Variants in MAP3K15 observed in about 807,000 individuals in gnomAD.
MAP3K15 encodes the protein MAPK/ERK kinase kinase 15.
A neutral mutation model predicts 99.5 loss-of-function variants in MAP3K15; 124 were observed. That is an observed-to-expected ratio of 1.25 (90% CI 1.08 to 1.45). The LOEUF is 1.45. Ranked by LOEUF, MAP3K15 falls within the 40% of genes most tolerant of loss-of-function variation. The pLI, the probability that MAP3K15 is intolerant of heterozygous loss-of-function variation, is 0.00. For synonymous variants in MAP3K15, 494 were observed against 439.6 expected, an observed-to-expected ratio of 1.12 and a Z score of -1.55; for missense variants, 1,242 against 1,079.7, an observed-to-expected ratio of 1.15 and a Z score of -2.11.
chrX:19,384,772 A>C (rs1450619892), intron 18 of MAP3K15, among the ~76,000 whole-genome samples: 7 of 105,817 alleles, frequency 6.6e-5, no homozygotes, highest in Admixed American at 1.0e-4. Flanking sequence ...AAAAAAAAAA[A>C]AAAAAAAACT....
intron 9 of MAP3K15, among the ~76,000 whole-genome samples, chrX:19,416,135 A>G (rs1231829109): frequency 9.0e-6 from 1 of 111,597 alleles, no homozygotes; most frequent in Non-Finnish European, 1.9e-5. Flanking sequence ...GTCCAAGACC[A>G]GCCTGGCCAA....
In MAP3K15 at chrX:19,515,093, G is replaced by T; in HGVS notation, c.169C>A (p.Pro57Thr). Residue 57 changes from proline to threonine, a missense_variant, in exon 1 of 29, where the codon CCG becomes ACG. Pro to Thr is a conservative substitution (Grantham distance 38). Coordinates refer to ENST00000338883, the MANE Select transcript of MAP3K15 (RefSeq NM_001001671.4). ...GSGEGESGGG[P>T]RRALRAVYVR... ...TATACTGCCCGCAGAGCCCGCCGCG[G>T]CCCGCCCCCACTCTCGCCCTCGCCG... The T allele has an allele frequency of 1.1e-6, 1 of 879,038 alleles. No individual in the cohort carries two copies. Among genetic ancestry groups the T allele is most frequent in the Non-Finnish European group, 1.5e-6 (1 of 685,153 alleles). 72.4% of individuals were successfully genotyped at this position (879,038 alleles called of 1,213,427 possible). A position where few individuals can be genotyped will look rare whatever the true frequency, so the allele number is the denominator to read the frequency against.
At chrX:19,487,672 T>C (rs949767184) in intron 2 of MAP3K15, among the ~76,000 whole-genome samples, 8 of 112,215 alleles carry the variant, frequency 7.1e-5, no homozygotes, top group Admixed American at 5.7e-4. Context: ...AAAGTATATA[T>C]GATGTTTAGC....
At chrX:19,378,990 C>T (rs1185306137) in intron 19 of MAP3K15, among the ~76,000 whole-genome samples, 1 of 111,425 alleles carries the variant, frequency 9.0e-6, no homozygotes, top group African/African-American at 3.3e-5. Flanking sequence ...AGGCACAGAT[C>T]CCACATGGCC....
intron 6 of MAP3K15, among the ~76,000 whole-genome samples, chrX:19,441,514 C>T (rs889190283): frequency 8.9e-6 from 1 of 111,967 alleles, no homozygotes. Flanking sequence ...TTGGGTCCGT[C>T]GTCCAGGCTG....
intron 14 of MAP3K15, 38 bp from the exon 15 acceptor site, chrX:19,398,397 A>C (rs368416588): frequency 1.9e-5 from 23 of 1,201,427 alleles, no homozygotes; most frequent in Non-Finnish European, 2.2e-5. Context: ...AAAGCATACA[A>C]CTTGTAGCGG....
At chrX:19,441,910 G>T (rs1369098477) in intron 6 of MAP3K15, among the ~76,000 whole-genome samples, 1 of 112,070 alleles carries the variant, frequency 8.9e-6, no homozygotes, top group Non-Finnish European at 1.9e-5. Context: ...GCCTCAAGAT[G>T]TAAGGAGACT....
At chrX:19,422,921 C>T (rs1333897973) in intron 9 of MAP3K15, among the ~76,000 whole-genome samples, 1 of 107,390 alleles carries the variant, frequency 9.3e-6, no homozygotes, top group African/African-American at 3.4e-5. Flanking sequence ...AGCAAACTAT[C>T]ACAAGGACAA....
At chrX:19,495,345 A>G (rs1315702860) in intron 1 of MAP3K15, among the ~76,000 whole-genome samples, 8 of 111,528 alleles carry the variant, frequency 7.2e-5, no homozygotes, top group Admixed American at 3.8e-4. Flanking sequence ...TTCCAATCTC[A>G]TAAGAAGGAG....
At chrX:19,361,471 A>G in intron 27 of MAP3K15, 22 bp downstream of exon 27, 1 of 1,198,585 alleles carries the variant, frequency 8.3e-7, no homozygotes, top group Non-Finnish European at 1.1e-6. Flanking sequence ...ACAGCATAAG[A>G]ATTTCTTTGT....
intron 26 of MAP3K15, among the ~76,000 whole-genome samples, chrX:19,362,105 CTG>C (rs1426312890): frequency 9.0e-6 from 1 of 111,087 alleles, no homozygotes; most frequent in African/African-American, 3.3e-5. Context: ...ACAGAAATGA[CTG>C]TCACTCCCAA....
chrX:19,431,223 G>A, intron 7 of MAP3K15, among the ~76,000 whole-genome samples: 1 of 111,656 alleles, frequency 9.0e-6, no homozygotes, highest in Non-Finnish European at 1.9e-5. Flanking sequence ...ATAAACAAGT[G>A]TACCTGTGGG....
At chrX:19,470,485 G>A (rs1406637936) in intron 3 of MAP3K15, among the ~76,000 whole-genome samples, 1 of 108,662 alleles carries the variant, frequency 9.2e-6, no homozygotes, top group Non-Finnish European at 1.9e-5. Flanking sequence ...ACACCAACAT[G>A]GCAAATGTAT....
chrX:19,435,599 T>A (rs1283802832), intron 6 of MAP3K15, among the ~76,000 whole-genome samples: 1 of 112,325 alleles, frequency 8.9e-6, no homozygotes, highest in African/African-American at 3.2e-5. Context: ...AATCAAACAT[T>A]TGAAAAAATT....
At position 19,400,528 on chromosome X, in the gene MAP3K15, C is replaced by T. The variant is rs754246574; in HGVS notation, c.1932+48G>A. 6.4e-5 allele frequency: 61 copies of T among 950,950 alleles called. No homozygotes were observed. In the South Asian group the frequency reaches 7.5e-4, roughly 12 times the overall value. The allele number at this position is 950,950 out of a possible 1,213,427, so 78.4% of individuals were successfully genotyped here. On this transcript the variant is annotated intron_variant, in intron 14 of 28. Coordinates refer to ENST00000338883, the MANE Select transcript of MAP3K15 (RefSeq NM_001001671.4). ...AAGATGGGACATTTTCTTGAAGCAT[C>T]GAACACACAATCAATGTTTTCCATA...
chrX:19,480,653 T>TAA (rs746641774), intron 3 of MAP3K15, among the ~76,000 whole-genome samples: 33 of 68,428 alleles, frequency 4.8e-4, no homozygotes, highest in South Asian at 1.5e-3. Flanking sequence ...GGTCTCTACT[T>TAA]AAAAAAAAAA....
chrX:19,373,509 C>G, intron 21 of MAP3K15, 27 bp downstream of exon 21: 1 of 1,163,115 alleles, frequency 8.6e-7, no homozygotes, highest in Non-Finnish European at 1.1e-6. Flanking sequence ...TTCGGGCCCG[C>G]GGCAGACAGA....
intron 6 of MAP3K15, among the ~76,000 whole-genome samples, chrX:19,455,404 G>C (rs1254515249): frequency 9.6e-6 from 1 of 104,505 alleles, no homozygotes; most frequent in Non-Finnish European, 2.0e-5. Flanking sequence ...GAGTGCAATG[G>C]TGCAATCATG....
intron 1 of MAP3K15, among the ~76,000 whole-genome samples, chrX:19,501,757 C>T (rs766879902): frequency 8.9e-6 from 1 of 111,949 alleles, no homozygotes; most frequent in Non-Finnish European, 1.9e-5. Context: ...GGCAGAAGAT[C>T]AATCATTAAA....
Sources: gnomAD v4.1 joint callset for allele counts (sites outside exome capture counted in the v4.1 genomes callset) on GRCh38, gnomAD v4.1.1 for gene constraint, MANE v1.5 for transcripts, NCBI Gene and HGNC (gene_info 2026-07-23, HGNC 2026-07-21) for gene names.